The following CEP112 variants were observed in gnomAD, a reference collection of about 807,000 sequenced individuals.
The protein encoded by CEP112 is centrosomal protein 112, also known as centrosomal protein of 112 kDa.
A neutral mutation model predicts 153.0 loss-of-function variants in CEP112; 127 were observed. That is an observed-to-expected ratio of 0.83 (90% CI 0.72 to 0.96). The LOEUF is 0.96. Among genes scored for constraint, CEP112 ranks in the 40% least tolerant of loss-of-function variants. The probability of loss-of-function intolerance (pLI) is 0.00; values close to 1 mark genes in which losing one functional copy is unlikely to be tolerated. For synonymous variants in CEP112, 358 were observed against 374.4 expected (o/e 0.96, Z 0.51); for missense variants, 1,089 against 1,101.2 (o/e 0.99, Z 0.16).
chr17:65,913,227 G>A (rs191233924), intron 19 of CEP112, among the ~76,000 whole-genome samples: 27 of 152,272 alleles, frequency 1.8e-4, no homozygotes, highest in African/African-American at 5.1e-4. Flanking sequence ...GCAGTCTACC[G>A]CAAAGGTAGT....
At chr17:66,104,931 C>A (rs901959923) in intron 6 of CEP112, among the ~76,000 whole-genome samples, 2 of 152,124 alleles carry the variant, frequency 1.3e-5, no homozygotes, top group African/African-American at 4.8e-5. Flanking sequence ...AATAATGAAT[C>A]ATCTAAAGGT....
chr17:66,125,772 A>G (rs11656697), intron 6 of CEP112, among the ~76,000 whole-genome samples: 7,776 of 152,118 alleles, frequency 0.051, 244 homozygotes, highest in Non-Finnish European at 0.069. Flanking sequence ...AAAGAAGAGA[A>G]AGGAGAAAAA....
intron 4 of CEP112, among the ~76,000 whole-genome samples, chr17:66,143,098 T>C (rs1209412157): frequency 6.6e-6 from 1 of 152,200 alleles, no homozygotes; most frequent in Non-Finnish European, 1.5e-5. Flanking sequence ...TTGATTTTTG[T>C]TGCCAAATGG....
intron 17 of CEP112, among the ~76,000 whole-genome samples, chr17:65,995,392 G>A (rs1417793767): frequency 6.6e-6 from 1 of 152,164 alleles, no homozygotes; most frequent in African/African-American, 2.4e-5. Context: ...AGACATCTTT[G>A]ATATAGGTGG....
At chr17:65,834,924 T>C (rs887091122) in intron 21 of CEP112, among the ~76,000 whole-genome samples, 1 of 152,130 alleles carries the variant, frequency 6.6e-6, no homozygotes, top group African/African-American at 2.4e-5. Context: ...CTATCCACAA[T>C]AGCAAAGACA....
At chr17:65,697,552 A>G (rs73336850) in intron 23 of CEP112, among the ~76,000 whole-genome samples, 2,233 of 152,046 alleles carry the variant, frequency 0.015, 58 homozygotes, top group African/African-American at 0.051. Flanking sequence ...TTTTTTAATC[A>G]TATTGTAAAC....
At chr17:66,019,096 C>A (rs2064890861) in intron 16 of CEP112, among the ~76,000 whole-genome samples, 1 of 152,094 alleles carries the variant, frequency 6.6e-6, no homozygotes, top group South Asian at 2.1e-4. Flanking sequence ...CAATAAAGAC[C>A]ATTACATAAT....
At chr17:66,039,193 A>T (rs1409541232) in intron 12 of CEP112, among the ~76,000 whole-genome samples, 2 of 152,192 alleles carry the variant, frequency 1.3e-5, no homozygotes, top group African/African-American at 2.4e-5. Flanking sequence ...ATTTCCTATA[A>T]GTTAAGTCTT....
At chr17:65,649,073 AACAC>A (rs71158400) in intron 24 of CEP112, among the ~76,000 whole-genome samples, 2,051 of 139,702 alleles carry the variant, frequency 0.015, 20 homozygotes, top group Middle Eastern at 0.031. Flanking sequence ...CAAACAAACA[AACAC>A]ACACACACAC....
At chr17:66,029,741 G>T in intron 13 of CEP112, 128 bp downstream of exon 13, 1 of 588,510 alleles carries the variant, frequency 1.7e-6, no homozygotes, top group South Asian at 2.2e-5. Context: ...CAAACAAACA[G>T]CAGTATTTAG....
At chr17:65,669,298 A>G in intron 24 of CEP112, among the ~76,000 whole-genome samples, 1 of 152,236 alleles carries the variant, frequency 6.6e-6, no homozygotes, top group Non-Finnish European at 1.5e-5. Context: ...GGTGGCAAGA[A>G]ATTCTCTTCT....
intron 21 of CEP112, among the ~76,000 whole-genome samples, chr17:65,843,124 G>A (rs775589998): frequency 6.7e-4 from 102 of 152,094 alleles, no homozygotes; most frequent in Admixed American, 9.2e-4. Flanking sequence ...TCATTCAAAA[G>A]CACATTAATA....
chr17:65,987,538 C>A (rs973098320), intron 17 of CEP112, among the ~76,000 whole-genome samples: 1 of 152,134 alleles, frequency 6.6e-6, no homozygotes, highest in African/African-American at 2.4e-5. Flanking sequence ...TTACTGTATC[C>A]TAGCACAAAC....
intron 1 of CEP112, among the ~76,000 whole-genome samples, chr17:66,186,109 A>T (rs990023255): frequency 6.6e-6 from 1 of 151,680 alleles, no homozygotes; most frequent in Non-Finnish European, 1.5e-5. Flanking sequence ...CATGCAATGG[A>T]AGGAAAACAC....
At chr17:65,713,985 A>C (rs1048020592) in intron 23 of CEP112, among the ~76,000 whole-genome samples, 1 of 152,040 alleles carries the variant, frequency 6.6e-6, no homozygotes, top group Non-Finnish European at 1.5e-5. Flanking sequence ...TTCATCTGTC[A>C]ATTGGATTTT....
chr17:65,791,381 A>G (rs2054583520), intron 21 of CEP112, among the ~76,000 whole-genome samples: 1 of 152,196 alleles, frequency 6.6e-6, no homozygotes, highest in South Asian at 2.1e-4. Flanking sequence ...CTTGTGGCCC[A>G]GGAATCTGAT....
At chr17:66,147,082 T>C (rs2070949533) in intron 4 of CEP112, among the ~76,000 whole-genome samples, 1 of 152,162 alleles carries the variant, frequency 6.6e-6, no homozygotes, top group Non-Finnish European at 1.5e-5. Flanking sequence ...TTTTGAGGAC[T>C]ACCATGTCAT....
intron 17 of CEP112, among the ~76,000 whole-genome samples, chr17:65,975,516 C>T (rs541839366): frequency 6.6e-6 from 1 of 152,148 alleles, no homozygotes; most frequent in South Asian, 2.1e-4. Flanking sequence ...CCTAATTCCA[C>T]CTGCTGAAAG....
chr17:65,983,021 TAG>T lies in CEP112; in HGVS notation c.1737-21425_1737-21424del, dbSNP rs1198895953. Reference sequence around the variant, plus strand: ...GACATATCCAGGAAAGATAAATCCCTAGAGACAGAAAGCAGAATGGTGGTTAG... The same window carrying T: ...GACATATCCAGGAAAGATAAATCCCTAGACAGAAAGCAGAATGGTGGTTAG... On this transcript the variant is annotated intron_variant, in intron 17 of 26. Coordinates refer to ENST00000535342, the MANE Select transcript of CEP112 (RefSeq NM_001199165.4). Among the ~76,000 whole-genome samples the T allele has an allele frequency of 3.9e-5, 6 of 152,246 alleles. No homozygotes were observed. The East Asian group carries it at 1.2e-3, about 29-fold the overall frequency.
Sources: allele counts gnomAD v4.1 joint callset (sites outside exome capture counted in the v4.1 genomes callset), GRCh38; gene constraint gnomAD v4.1.1; transcripts MANE v1.5; gene names NCBI Gene and HGNC (gene_info 2026-07-23, HGNC 2026-07-21).